SNTG1: variants seen among roughly 807,000 people sequenced by gnomAD.
The protein encoded by SNTG1 is syntrophin gamma 1.
Under a neutral mutation model 74.7 loss-of-function variants are expected in SNTG1, and 39 were observed. The observed-to-expected ratio is 0.52, with a 90% CI of 0.40 to 0.68. SNTG1 has a LOEUF of 0.68. Among genes scored for constraint, SNTG1 ranks in the 30% least tolerant of loss-of-function variants. SNTG1 has a pLI of 0.00. For missense variants in SNTG1, 685 were observed against 609.5 expected (o/e 1.12, Z -1.30); for synonymous variants, 254 against 217.1 (o/e 1.17, Z -1.49).
At chr8:50,502,435 T>G (rs941985589) in intron 8 of SNTG1, among the ~76,000 whole-genome samples, 1 of 152,214 alleles carries the variant, frequency 6.6e-6, no homozygotes, top group Admixed American at 6.5e-5. Flanking sequence ...ATTAATAATT[T>G]ACCAATAAAT....
intron 1 of SNTG1, among the ~76,000 whole-genome samples, chr8:50,041,604 C>T (rs1374395647): frequency 1.3e-5 from 2 of 152,106 alleles, no homozygotes; most frequent in Non-Finnish European, 1.5e-5. Context: ...GTTTGTACAA[C>T]TTTCACAATT....
At chr8:50,786,146 T>C (rs1275895141) in intron 18 of SNTG1, among the ~76,000 whole-genome samples, 1 of 151,986 alleles carries the variant, frequency 6.6e-6, no homozygotes, top group Non-Finnish European at 1.5e-5. Context: ...AGAAAACTAT[T>C]GGTACTAACT....
In SNTG1 at chr8:50,665,636, T is replaced by C. The variant is rs148502549; in HGVS notation, c.1038+6973T>C. On this transcript the variant is annotated intron_variant, in intron 15 of 18. Coordinates refer to ENST00000642720, the MANE Select transcript of SNTG1 (RefSeq NM_018967.5). ...AAGATGAGGCTAAGTCATATTACTGTGCTAGGAAATAAGGAGGTGTTCAGA... is the reference window on the plus strand; with the variant it reads ...AAGATGAGGCTAAGTCATATTACTGCGCTAGGAAATAAGGAGGTGTTCAGA... Among the ~76,000 whole-genome samples, 409 of 152,216 alleles carry C rather than the reference T, an allele frequency of 2.7e-3. 3 individuals carry two copies. The highest frequency in any genetic ancestry group is 9.1e-3 in the African/African-American group (376 of 41,542).
At chr8:50,428,302 T>C (rs2093189842) in intron 4 of SNTG1, among the ~76,000 whole-genome samples, 1 of 152,280 alleles carries the variant, frequency 6.6e-6, no homozygotes, top group African/African-American at 2.4e-5. Context: ...AGAGTAAGAC[T>C]GTGTCTCTTA....
intron 2 of SNTG1, among the ~76,000 whole-genome samples, chr8:50,354,780 C>G (rs2091770422): frequency 6.6e-6 from 1 of 152,128 alleles, no homozygotes; most frequent in Non-Finnish European, 1.5e-5. Context: ...CCTGGGTCTT[C>G]TTCCAGGCTC....
intron 9 of SNTG1, among the ~76,000 whole-genome samples, chr8:50,527,391 T>C (rs2094229914): frequency 6.6e-6 from 1 of 152,108 alleles, no homozygotes; most frequent in Non-Finnish European, 1.5e-5. Flanking sequence ...ACCCCAAGGT[T>C]GCAAAGATAT....
intron 1 of SNTG1, among the ~76,000 whole-genome samples, chr8:50,045,073 A>G (rs1818963193): frequency 6.6e-6 from 1 of 152,194 alleles, no homozygotes; most frequent in Non-Finnish European, 1.5e-5. Context: ...AACAGCTCCC[A>G]GTGTTAGGAG....
intron 13 of SNTG1, among the ~76,000 whole-genome samples, chr8:50,652,255 A>G (rs1450497007): frequency 2.6e-5 from 4 of 152,134 alleles, no homozygotes; most frequent in South Asian, 2.1e-4. Flanking sequence ...TAAAGGTGTA[A>G]TCACTTCTTG....
At chr8:50,599,852 C>G (rs1023853920) in intron 13 of SNTG1, among the ~76,000 whole-genome samples, 3 of 151,958 alleles carry the variant, frequency 2.0e-5, no homozygotes, top group Non-Finnish European at 4.4e-5. Flanking sequence ...TTTTGAGTAA[C>G]AGTTGGGAAA....
intron 2 of SNTG1, among the ~76,000 whole-genome samples, chr8:50,303,237 AATAGTTCTTGTTT>A (rs2089728939): frequency 1.3e-5 from 2 of 152,162 alleles, no homozygotes; most frequent in Admixed American, 1.3e-4. Flanking sequence ...CCTTGATTCA[AATAGTTCTTGTTT>A]ATAAAAGTGA....
rs2095308123 is a variant in SNTG1 at position 50,675,996 on chromosome 8, A to T, written c.1038+17333A>T. Among the ~76,000 whole-genome samples, 4 of 152,084 alleles carry T rather than the reference A, an allele frequency of 2.6e-5. No homozygotes were observed. The Middle Eastern group carries it at 0.01, about 391-fold the overall frequency. On this transcript the variant is annotated intron_variant, in intron 15 of 18. Coordinates refer to ENST00000642720, the MANE Select transcript of SNTG1 (RefSeq NM_018967.5). ...TGGCTTGTAGAATTTCTGCTGAGAG[A>T]TCCACTGTTAGTCTGATGGGCTTCC...
At chr8:49,934,002 T>A (rs901428160) in intron 1 of SNTG1, among the ~76,000 whole-genome samples, 2 of 152,202 alleles carry the variant, frequency 1.3e-5, no homozygotes, top group African/African-American at 4.8e-5. Flanking sequence ...TTTCTTTCTG[T>A]CTCTCAACAA....
chr8:50,312,325 T>C (rs1220931909), intron 2 of SNTG1, among the ~76,000 whole-genome samples: 1 of 152,134 alleles, frequency 6.6e-6, no homozygotes, highest in Non-Finnish European at 1.5e-5. Flanking sequence ...GGATGCTTAG[T>C]GATTGTCTCA....
At chr8:50,644,730 G>A (rs114478622) in intron 13 of SNTG1, among the ~76,000 whole-genome samples, 44 of 152,224 alleles carry the variant, frequency 2.9e-4, no homozygotes, top group African/African-American at 1.0e-3. Flanking sequence ...TAATTTCTGA[G>A]ATACATGTAC....
intron 4 of SNTG1, among the ~76,000 whole-genome samples, chr8:50,436,923 C>A (rs192152298): frequency 6.6e-6 from 1 of 151,996 alleles, no homozygotes; most frequent in African/African-American, 2.4e-5. Context: ...TATATCTTCC[C>A]GTATTTGTGG....
intron 1 of SNTG1, among the ~76,000 whole-genome samples, chr8:49,943,148 A>T (rs1373318535): frequency 6.6e-6 from 1 of 152,162 alleles, no homozygotes; most frequent in Non-Finnish European, 1.5e-5. Context: ...ATTTAAATCC[A>T]CCCTGTTCAA....
chr8:50,651,426 AT>A (rs1229197961), intron 13 of SNTG1, among the ~76,000 whole-genome samples: 1 of 152,066 alleles, frequency 6.6e-6, no homozygotes, highest in Non-Finnish European at 1.5e-5. Flanking sequence ...ATTTCATTGT[AT>A]TTTAGTTCAA....
At position 50,754,875 on chromosome 8, in the gene SNTG1, A is replaced by G. The variant is rs75524567; in HGVS notation, c.1395+2764A>G. Reference sequence around the variant, plus strand: ...TTGTGTTTCTATTTTCATCGGTTCAATATGTTTTTATTTCCCTTAAGTCTT... The same window carrying G: ...TTGTGTTTCTATTTTCATCGGTTCAGTATGTTTTTATTTCCCTTAAGTCTT... On this transcript the variant is annotated intron_variant, in intron 18 of 18. Coordinates refer to ENST00000642720, the MANE Select transcript of SNTG1 (RefSeq NM_018967.5). Among the ~76,000 whole-genome samples the G allele has an allele frequency of 7.9e-3, 1,205 of 151,896 alleles. 11 individuals carry two copies. Among genetic ancestry groups the G allele is most frequent in the African/African-American group, 0.028 (1,141 of 41,476 alleles).
chr8:50,139,224 T>C (rs1032809104), intron 1 of SNTG1, among the ~76,000 whole-genome samples: 2 of 152,210 alleles, frequency 1.3e-5, no homozygotes, highest in Non-Finnish European at 2.9e-5. Flanking sequence ...GTTATCAACA[T>C]TTTAAAAAAC....
Sources: gnomAD v4.1 joint callset for allele counts (sites outside exome capture counted in the v4.1 genomes callset) on GRCh38, gnomAD v4.1.1 for gene constraint, MANE v1.5 for transcripts, NCBI Gene and HGNC (gene_info 2026-07-23, HGNC 2026-07-21) for gene names.